Variants in CNOT3 observed in about 807,000 individuals in gnomAD.
The protein encoded by CNOT3 is CCR4-NOT transcription complex subunit 3.
In CNOT3, 2 loss-of-function variants were observed where a neutral mutation model predicts 89.4. The ratio of observed to expected loss-of-function variants is 0.02; its 90% CI spans 0.01 to 0.07. CNOT3 has a LOEUF of 0.07. CNOT3 is among the 10% of genes least tolerant of loss of function. CNOT3 has a pLI of 1.00. For missense variants in CNOT3, 664 were observed against 1,010.2 expected (o/e 0.66, Z 4.65); for synonymous variants, 486 against 402.0 (o/e 1.21, Z -2.50).
chr19:54,154,848 C>CT (rs2075327159), intron 17 of CNOT3: 1 of 107,960 alleles, frequency 9.3e-6, no homozygotes, highest in Admixed American at 8.5e-5. Context: ...TCCCACACCA[C>CT]TTCGTCACCA....
chr19:54,152,434 T>C lies in CNOT3; in HGVS notation c.1712T>C (p.Ile571Thr), dbSNP rs749100376. 23 of 1,614,068 alleles carry C rather than the reference T, an allele frequency of 1.4e-5. No individual in the cohort carries two copies. Among genetic ancestry groups the C allele is most frequent in the Non-Finnish European group, 1.9e-5 (23 of 1,180,002 alleles). ...ACCCCCACCCTCCCCACAGACATCA[T>C]CCTGAGCAGTACATCAGCACCTCCG... is the stretch of plus-strand genomic sequence containing the variant. ...PTLHLTERDIILSSTSAPPAS... is the reference protein window; with the variant it reads ...PTLHLTERDITLSSTSAPPAS... The change falls in exon 15 of 18, where the codon ATC becomes ACC. Residue 571 changes from isoleucine to threonine, a missense_variant. This residue lies in a region of CNOT3 where 545 missense variants were observed against 566.2 expected (regional missense o/e 0.96). Coordinates refer to ENST00000221232, the MANE Select transcript of CNOT3 (RefSeq NM_014516.4).
rs759407723 is a variant in CNOT3, at chr19:54,148,260, C to A, written c.1007C>A (p.Thr336Asn). 1.2e-6 allele frequency: 2 copies of A among 1,606,420 alleles called. No homozygotes were observed. The highest frequency in any genetic ancestry group is 2.2e-5 in the East Asian group (1 of 44,534). Reference sequence around the variant, plus strand: ...CCGCCTGCTGCCTCTGCCTTGAGCACCACTCCTGGCAACAATGGGGTCCCC... The same window carrying A: ...CCGCCTGCTGCCTCTGCCTTGAGCAACACTCCTGGCAACAATGGGGTCCCC... ...GPPPAASALS[T>N]TPGNNGVPAP... The change falls in exon 11 of 18, where the codon ACC becomes AAC. Residue 336 changes from threonine to asparagine, a missense_variant. Coordinates refer to ENST00000221232, the MANE Select transcript of CNOT3 (RefSeq NM_014516.4). This position sits in a 1 kb window ranked among gnomAD's most constrained non-coding sequence, Gnocchi z 6.3.
At chr19:54,147,862 A>G (rs2074768363) in intron 10 of CNOT3, among the ~76,000 whole-genome samples, 1 of 152,136 alleles carries the variant, frequency 6.6e-6, no homozygotes, top group Non-Finnish European at 1.5e-5. Context: ...CTGGCTGACA[A>G]CCTAAGTTGT....
Position 54,144,691 on chromosome 19 carries a change from C to T in CNOT3, c.483+359C>T, listed in dbSNP as rs1325571864. ...AAGAGGCCTCCTGGCACCCAGAGGG[C>T]CCTGGTCCTAGGGAGAGCACAGTGG... On this transcript the variant is annotated intron_variant, in intron 7 of 17. Coordinates refer to ENST00000221232, the MANE Select transcript of CNOT3 (RefSeq NM_014516.4). This position sits in a 1 kb window ranked among gnomAD's most constrained non-coding sequence, Gnocchi z 4.8. Among the ~76,000 whole-genome samples the T allele has an allele frequency of 3.9e-5, 6 of 152,108 alleles. No individual in the cohort carries two copies. The highest frequency in any genetic ancestry group is 1.4e-4 in the African/African-American group (6 of 41,400).
intron 9 of CNOT3, 31 bp downstream of exon 9, chr19:54,146,074 G>A: frequency 1.2e-6 from 2 of 1,608,630 alleles, no homozygotes; most frequent in Non-Finnish European, 8.5e-7. Flanking sequence ...AGTACCTTGT[G>A]TTTCCAGCAG....
In CNOT3 at chr19:54,149,614, A is replaced by C; in HGVS notation, c.1461A>C (p.Ser487=). 6.2e-7 allele frequency: 1 copy of C among 1,612,846 alleles called. No individual in the cohort carries two copies. Among genetic ancestry groups the C allele is most frequent in the Non-Finnish European group, 8.5e-7 (1 of 1,179,328 alleles). The change falls in exon 13 of 18, where the codon TCA becomes TCC. Residue 487 remains serine, a synonymous_variant. Transcript: ENST00000221232. The part of the protein sequence containing the change: ...PTGAGGVAPG[S]GNNSGGPSLL... ...GGGCTGGGGGCGTGGCCCCAGGCTC[A>C]GGGAACAACTCAGGGGGACCCAGCC...
At chr19:54,146,848 A>G (rs1043609572) in intron 10 of CNOT3, among the ~76,000 whole-genome samples, 191 bp downstream of exon 10, 1 of 152,222 alleles carries the variant, frequency 6.6e-6, no homozygotes, top group Non-Finnish European at 1.5e-5. Flanking sequence ...AGGGGGTAGC[A>G]CACAGGTCAC....
At position 54,148,233 on chromosome 19, in the gene CNOT3, C is replaced by G. The variant is rs963556829; in HGVS notation, c.980C>G (p.Pro327Arg). The G allele has an allele frequency of 6.2e-7, 1 of 1,600,844 alleles. No individual in the cohort carries two copies. The highest frequency in any genetic ancestry group is 8.5e-7 in the Non-Finnish European group (1 of 1,173,158). Reference sequence around the variant, plus strand: ...GTGCCGCCCACCTACCCCTCCGGCCCCCCGCCTGCTGCCTCTGCCTTGAGC... The same window carrying G: ...GTGCCGCCCACCTACCCCTCCGGCCGCCCGCCTGCTGCCTCTGCCTTGAGC... ...PAVPPTYPSG[P>R]PPAASALSTT... Residue 327 changes from proline to arginine, a missense_variant, in exon 11 of 18, where the codon CCC becomes CGC. By Grantham distance (103) the Pro-to-Arg change is moderately radical (BLOSUM62 -2). Transcript: ENST00000221232. This position sits in a 1 kb window ranked among gnomAD's most constrained non-coding sequence, Gnocchi z 6.3.
At chr19:54,149,001 A>G (rs2074880300) in intron 12 of CNOT3, among the ~76,000 whole-genome samples, 1 of 152,174 alleles carries the variant, frequency 6.6e-6, no homozygotes, top group Non-Finnish European at 1.5e-5. Flanking sequence ...CAAGAGCCCC[A>G]TACCCTTTCC....
intron 2 of CNOT3, 53 bp downstream of exon 2, chr19:54,143,056 G>GA: frequency 1.2e-6 from 2 of 1,613,344 alleles, no homozygotes; most frequent in East Asian, 4.5e-5. Flanking sequence ...CTCTTCTGAG[G>GA]ACTGCTCTTT....
chr19:54,150,362 G>C (rs1379683217), intron 13 of CNOT3, among the ~76,000 whole-genome samples: 2 of 152,220 alleles, frequency 1.3e-5, no homozygotes, highest in Non-Finnish European at 2.9e-5. Flanking sequence ...GCATGCATCT[G>C]CCTGTGTGCT....
chr19:54,146,780 G>A, intron 10 of CNOT3, 123 bp downstream of exon 10: 1 of 733,574 alleles, frequency 1.4e-6, no homozygotes, highest in South Asian at 1.5e-5. Context: ...TCAGAAATCA[G>A]TGCTGCCCTG....
intron 13 of CNOT3, among the ~76,000 whole-genome samples, chr19:54,150,527 C>A (rs1484029854): frequency 1.6e-5 from 2 of 123,312 alleles, no homozygotes; most frequent in Non-Finnish European, 3.8e-5. Context: ...GCTTGTGAGC[C>A]AGTATACTGT....
At chr19:54,143,092 C>G (rs2074519276) in intron 2 of CNOT3, 27 bp from the exon 3 acceptor site, 1 of 1,613,544 alleles carries the variant, frequency 6.2e-7, no homozygotes, top group Non-Finnish European at 8.5e-7. Context: ...GGGCAGGATT[C>G]TCACAGCCTT....
chr19:54,150,894 GAT>G (rs1211080380), intron 13 of CNOT3, among the ~76,000 whole-genome samples: 4 of 151,814 alleles, frequency 2.6e-5, no homozygotes, highest in African/African-American at 9.7e-5. Context: ...GGGTTCAAGC[GAT>G]TCTCCTGCCG....
chr19:54,149,721 A>G lies in CNOT3; in HGVS notation c.1568A>G (p.Asn523Ser), dbSNP rs1326773760. ...GCCAAGGCAGCCGGTGCCCTGCTCA[A>G]TGGGCCTCCACAGTTCAGCACCGCC... Reference protein sequence around the residue: ...SDAKAAGALLNGPPQFSTAPE... With the variant: ...SDAKAAGALLSGPPQFSTAPE... Residue 523 changes from asparagine (N) to serine (S), a missense_variant, in exon 13 of 18, where the codon AAT becomes AGT. By Grantham distance (46) the Asn-to-Ser change is conservative. Transcript: ENST00000221232. 8.7e-6 allele frequency: 14 copies of G among 1,613,694 alleles called. No individual in the cohort carries two copies. Among genetic ancestry groups the G allele is most frequent in the South Asian group, 3.3e-5 (3 of 90,982 alleles).
At chr19:54,152,677 G>A (rs776056673) in intron 15 of CNOT3, 51 bp downstream of exon 15, 1 of 1,472,218 alleles carries the variant, frequency 6.8e-7, no homozygotes, top group South Asian at 1.1e-5. Flanking sequence ...TCTTACGGAG[G>A]AGGCAGTGGC....
intron 13 of CNOT3, among the ~76,000 whole-genome samples, chr19:54,151,602 C>T (rs1279325409): frequency 6.6e-6 from 1 of 152,156 alleles, no homozygotes; most frequent in African/African-American, 2.4e-5. Flanking sequence ...GACAGCTGCA[C>T]GTGGCTGGAG....
At chr19:54,154,028 G>A in intron 17 of CNOT3, 188 bp downstream of exon 17, 1 of 783,260 alleles carries the variant, frequency 1.3e-6, no homozygotes, top group Non-Finnish European at 2.2e-6. Flanking sequence ...TCCTCCACTT[G>A]GCCAGCTCCT....
Sources: gnomAD v4.1 joint callset for allele counts (sites outside exome capture counted in the v4.1 genomes callset) on GRCh38, gnomAD v4.1.1 for gene constraint, gnomAD v4.1.1 regional missense constraint, Gnocchi (gnomAD v3.1) non-coding constraint, MANE v1.5 for transcripts, NCBI Gene and HGNC (gene_info 2026-07-23, HGNC 2026-07-21) for gene names.